The following SGCZ variants were observed in gnomAD, a reference collection of about 807,000 sequenced individuals.
The protein encoded by SGCZ is sarcoglycan zeta.
In SGCZ, 40 loss-of-function variants were observed where a neutral mutation model predicts 41.3. The ratio of observed to expected loss-of-function variants is 0.97; its 90% CI spans 0.75 to 1.26. SGCZ has a LOEUF of 1.26. SGCZ is among the 50% of genes most tolerant of loss of function. The pLI is 0.00. For missense variants in SGCZ, 552 were observed against 369.8 expected, an observed-to-expected ratio of 1.49 and a Z score of -4.04; for synonymous variants, 206 against 137.5, an observed-to-expected ratio of 1.50 and a Z score of -3.49.
chr8:14,976,873 A>T (rs1457397833), intron 1 of SGCZ, among the ~76,000 whole-genome samples: 3 of 152,228 alleles, frequency 2.0e-5, no homozygotes, highest in Non-Finnish European at 4.4e-5. Context: ...AACCTACCAT[A>T]TGTAGTGGCT....
intron 1 of SGCZ, among the ~76,000 whole-genome samples, chr8:15,188,396 T>A (rs1427031024): frequency 2.0e-5 from 3 of 152,142 alleles, no homozygotes; most frequent in African/African-American, 7.2e-5. Flanking sequence ...AATCTATAGA[T>A]CTACATTAGC....
intron 1 of SGCZ, among the ~76,000 whole-genome samples, chr8:14,980,596 C>T (rs1181421638): frequency 2.6e-5 from 4 of 152,078 alleles, no homozygotes; most frequent in African/African-American, 7.2e-5. Context: ...GAGCAAGTCA[C>T]GTCTTACGTG....
At chr8:14,192,347 T>A (rs1249656780) in intron 4 of SGCZ, among the ~76,000 whole-genome samples, 2 of 151,930 alleles carry the variant, frequency 1.3e-5, no homozygotes, top group Non-Finnish European at 2.9e-5. Context: ...TATTCTTATC[T>A]AACCTGAATT....
At chr8:14,197,904 A>G (rs1292999070) in intron 4 of SGCZ, among the ~76,000 whole-genome samples, 2 of 152,088 alleles carry the variant, frequency 1.3e-5, no homozygotes, top group African/African-American at 2.4e-5. Flanking sequence ...TAAATATAAA[A>G]TTAAAAAATA....
chr8:14,392,461 G>C (rs1026765192), intron 2 of SGCZ, among the ~76,000 whole-genome samples: 3 of 152,146 alleles, frequency 2.0e-5, no homozygotes, highest in African/African-American at 7.2e-5. Flanking sequence ...GCCAAATTAA[G>C]ACAAGAGTAG....
At chr8:14,721,542 C>A (rs1324366409) in intron 1 of SGCZ, among the ~76,000 whole-genome samples, 1 of 152,180 alleles carries the variant, frequency 6.6e-6, no homozygotes, top group Non-Finnish European at 1.5e-5. Flanking sequence ...ATAAATCCCA[C>A]TGGCCTTTAA....
chr8:15,018,080 A>G (rs1803107553), intron 1 of SGCZ, among the ~76,000 whole-genome samples: 1 of 152,156 alleles, frequency 6.6e-6, no homozygotes, highest in African/African-American at 2.4e-5. Flanking sequence ...CTGGTACTGA[A>G]ATAATATCAA....
At chr8:14,832,296 T>C (rs1802559419) in intron 1 of SGCZ, among the ~76,000 whole-genome samples, 1 of 152,188 alleles carries the variant, frequency 6.6e-6, no homozygotes, top group Non-Finnish European at 1.5e-5. Flanking sequence ...GAACTTTAAA[T>C]ATATTGCTCA....
At chr8:14,862,546 A>G (rs1353270838) in intron 1 of SGCZ, among the ~76,000 whole-genome samples, 1 of 93,546 alleles carries the variant, frequency 1.1e-5, no homozygotes, top group Admixed American at 1.1e-4. Flanking sequence ...ATATATATAT[A>G]TATATATATA....
At chr8:15,192,000 C>A (rs1323215162) in intron 1 of SGCZ, among the ~76,000 whole-genome samples, 1 of 151,986 alleles carries the variant, frequency 6.6e-6, no homozygotes, top group Non-Finnish European at 1.5e-5. Flanking sequence ...AAAAGTAGTA[C>A]CTACATCAAG....
intron 2 of SGCZ, among the ~76,000 whole-genome samples, chr8:14,396,502 C>T (rs1313148544): frequency 6.6e-6 from 1 of 151,888 alleles, no homozygotes; most frequent in Admixed American, 6.6e-5. Context: ...CCTCCTAATA[C>T]TGTCACATTT....
At chr8:14,092,918 T>C (rs1258139265) in intron 7 of SGCZ, among the ~76,000 whole-genome samples, 1 of 149,020 alleles carries the variant, frequency 6.7e-6, no homozygotes, top group African/African-American at 2.4e-5. Flanking sequence ...CCATGAAACA[T>C]ATTACCTATG....
intron 4 of SGCZ, among the ~76,000 whole-genome samples, chr8:14,171,275 T>C (rs1053343661): frequency 6.6e-6 from 1 of 152,130 alleles, no homozygotes; most frequent in African/African-American, 2.4e-5. Context: ...ATACTTCATT[T>C]TTCTTTCTAC....
intron 1 of SGCZ, among the ~76,000 whole-genome samples, chr8:14,596,127 C>A (rs1442166809): frequency 6.6e-6 from 1 of 152,192 alleles, no homozygotes; most frequent in East Asian, 1.9e-4. Context: ...GTATCTGTCA[C>A]AATGATGAGT....
chr8:14,862,447 T>A (rs1803783744), intron 1 of SGCZ, among the ~76,000 whole-genome samples: 1 of 150,684 alleles, frequency 6.6e-6, no homozygotes, highest in African/African-American at 2.4e-5. Flanking sequence ...GCACGAATTA[T>A]TTGACAAAAT....
intron 1 of SGCZ, among the ~76,000 whole-genome samples, chr8:15,111,193 G>A (rs190461491): frequency 6.6e-6 from 1 of 152,212 alleles, no homozygotes; most frequent in African/African-American, 2.4e-5. Context: ...AAAACACCTG[G>A]TTCTGGTGGC....
At chr8:14,417,185 A>G (rs1799516637) in intron 2 of SGCZ, among the ~76,000 whole-genome samples, 1 of 151,840 alleles carries the variant, frequency 6.6e-6, no homozygotes, top group Admixed American at 6.6e-5. Context: ...AGTAATTGTA[A>G]CATGGAAGAA....
intron 2 of SGCZ, among the ~76,000 whole-genome samples, chr8:14,402,758 A>C (rs960929666): frequency 2.0e-5 from 3 of 146,686 alleles, no homozygotes; most frequent in African/African-American, 8.2e-5. Flanking sequence ...CTTAGGATTG[A>C]CTTGGCCATG....
intron 1 of SGCZ, among the ~76,000 whole-genome samples, chr8:14,949,627 A>G (rs1800565456): frequency 1.3e-5 from 2 of 152,100 alleles, no homozygotes; most frequent in African/African-American, 4.8e-5. Flanking sequence ...AGACATTTCT[A>G]TTTTGTGAAT....
Sources: gnomAD v4.1 joint callset for allele counts (sites outside exome capture counted in the v4.1 genomes callset) on GRCh38, gnomAD v4.1.1 for gene constraint, MANE v1.5 for transcripts, NCBI Gene and HGNC (gene_info 2026-07-23, HGNC 2026-07-21) for gene names.